The following SERAC1 variants were observed in gnomAD, a reference collection of about 807,000 sequenced individuals.
SERAC1 encodes the protein serine active site containing 1, also known as protein SERAC1.
SERAC1 carries 36 observed loss-of-function variants against 85.7 expected under a neutral mutation model. That is an observed-to-expected ratio of 0.42 (90% confidence interval 0.32 to 0.55). SERAC1 has a LOEUF of 0.55. Ranked by LOEUF, SERAC1 falls within the 20% of genes least tolerant of loss-of-function variation. The pLI, the probability that SERAC1 is intolerant of heterozygous loss-of-function variation, is 0.11. For synonymous variants in SERAC1, 242 were observed against 265.3 expected, an observed-to-expected ratio of 0.91 and a Z score of 0.85; for missense variants, 629 against 796.2, an observed-to-expected ratio of 0.79 and a Z score of 2.53.
intron 8 of SERAC1, among the ~76,000 whole-genome samples, chr6:158,131,211 T>G (rs1308400043): frequency 6.6e-6 from 1 of 150,556 alleles, no homozygotes; most frequent in East Asian, 1.9e-4. Context: ...ACCAACACTA[T>G]TATAGAAATA....
intron 8 of SERAC1, among the ~76,000 whole-genome samples, chr6:158,133,317 A>G (rs1311576045): frequency 4.0e-5 from 6 of 151,656 alleles, no homozygotes; most frequent in Admixed American, 3.9e-4. Flanking sequence ...AAAAAAAAAA[A>G]AGGAATAGGT....
At chr6:158,132,781 C>G (rs1382410694) in intron 8 of SERAC1, among the ~76,000 whole-genome samples, 2 of 152,058 alleles carry the variant, frequency 1.3e-5, no homozygotes, top group African/African-American at 4.8e-5. Flanking sequence ...TACAAAGGAA[C>G]AAACTCACAG....
chr6:158,128,318 T>C, intron 9 of SERAC1, 48 bp from the exon 10 acceptor site: 1 of 1,585,768 alleles, frequency 6.3e-7, no homozygotes, highest in Non-Finnish European at 8.6e-7. Flanking sequence ...TACAAATTCA[T>C]GACGTGAGAT....
intron 14 of SERAC1, 23 bp from the exon 15 acceptor site, chr6:158,114,994 A>T: frequency 1.9e-6 from 3 of 1,594,256 alleles, no homozygotes; most frequent in Non-Finnish European, 2.6e-6. Flanking sequence ...AAGGGAAAAA[A>T]ACAATGCATA....
chr6:158,118,198 A>G (rs758919399), intron 12 of SERAC1, among the ~76,000 whole-genome samples: 1 of 152,202 alleles, frequency 6.6e-6, no homozygotes, highest in Non-Finnish European at 1.5e-5. Flanking sequence ...ATTCAGAGAC[A>G]CTAATAATAA....
chr6:158,164,982 A>G (rs1785564234), intron 1 of SERAC1, among the ~76,000 whole-genome samples: 3 of 152,308 alleles, frequency 2.0e-5, no homozygotes, highest in Admixed American at 2.0e-4. Context: ...AACACCAAGC[A>G]TCTTATTAAG....
intron 8 of SERAC1, among the ~76,000 whole-genome samples, chr6:158,137,217 AC>A (rs1784814969): frequency 6.6e-6 from 1 of 151,786 alleles, no homozygotes; most frequent in African/African-American, 2.4e-5. Context: ...CATTAGAATT[AC>A]AATTAAATAT....
At chr6:158,142,101 C>T (rs1463943484) in intron 8 of SERAC1, among the ~76,000 whole-genome samples, 1 of 151,866 alleles carries the variant, frequency 6.6e-6, no homozygotes, top group Admixed American at 6.6e-5. Flanking sequence ...AAGAAAAACT[C>T]GCTGACATAA....
intron 14 of SERAC1, 72 bp from the exon 15 acceptor site, chr6:158,115,043 A>G: frequency 6.9e-7 from 1 of 1,456,574 alleles, no homozygotes; most frequent in South Asian, 1.4e-5. Context: ...AAAAAAGAAA[A>G]GGCCAAACAA....
chr6:158,115,106 C>T, intron 14 of SERAC1, 135 bp from the exon 15 acceptor site: 2 of 892,456 alleles, frequency 2.2e-6, no homozygotes, highest in Non-Finnish European at 3.4e-6. Context: ...TTAAACAATT[C>T]TCTGTACAGT....
chr6:158,158,991 A>G (rs1222253685), intron 1 of SERAC1: 3 of 152,038 alleles, frequency 2.0e-5, no homozygotes, highest in African/African-American at 7.3e-5. Context: ...CCAGAACACA[A>G]CTCAGTATTC....
In SERAC1 at chr6:158,119,218, G is replaced by A. The variant is rs1383235563; in HGVS notation, c.1167-48C>T. On this transcript the variant is annotated intron_variant, in intron 11 of 16. Coordinates refer to ENST00000647468, the MANE Select transcript of SERAC1 (RefSeq NM_032861.4). This position sits in a 1 kb window ranked among gnomAD's most constrained non-coding sequence, Gnocchi z 4.5. ...AAAGAAGCAGAATAAATGCATTACTGCTTTGGTAAGAATCTACACAGCATT... is the reference window on the plus strand; with the variant it reads ...AAAGAAGCAGAATAAATGCATTACTACTTTGGTAAGAATCTACACAGCATT... 1 of 1,557,422 alleles carries A rather than the reference G, an allele frequency of 6.4e-7. No homozygotes were observed. The highest frequency in any genetic ancestry group is 8.7e-7 in the Non-Finnish European group (1 of 1,147,708).
At chr6:158,164,777 G>C (rs980097246) in intron 1 of SERAC1, among the ~76,000 whole-genome samples, 5 of 152,050 alleles carry the variant, frequency 3.3e-5, no homozygotes, top group African/African-American at 1.2e-4. Flanking sequence ...CAACAAAAAA[G>C]ACTACATCAC....
rs1220930025 is a variant in SERAC1 at position 158,120,432 on chromosome 6, G to A, written c.1159C>T (p.Arg387Ter). 7.5e-6 allele frequency: 12 copies of A among 1,610,576 alleles called. No homozygotes were observed. The highest frequency in any genetic ancestry group is 1.6e-4 in the Middle Eastern group (1 of 6,076). ...TCTCTTCTGCTTCCTTACCTTGTTC[G>A]ATATTGGGGATGCAGCACATATACG... ...DGVYVLHPQY[R>*]TSQPIKADVL... Residue 387 changes from arginine to a stop codon, truncating the protein, a stop_gained, in exon 11 of 17, where the codon CGA (arginine) becomes TGA (stop). Coordinates refer to ENST00000647468, the MANE Select transcript of SERAC1 (RefSeq NM_032861.4). LOFTEE classifies it high-confidence loss of function. This position sits in a 1 kb window ranked among gnomAD's most constrained non-coding sequence, Gnocchi z 4.4.
Position 158,120,384 on chromosome 6 carries a change from A to G in SERAC1, c.1166+41T>C, listed in dbSNP as rs1314108321. On this transcript the variant is annotated intron_variant, in intron 11 of 16. Transcript: ENST00000647468. This position sits in a 1 kb window ranked among gnomAD's most constrained non-coding sequence, Gnocchi z 4.4. ...AAAATTTGAGGCCTCTAGGCTTCAC[A>G]TTTCCAAAGGGGACAAAGCAACTCT... 6.4e-7 allele frequency: 1 copy of G among 1,573,210 alleles called. No homozygotes were observed. The highest frequency in any genetic ancestry group is 1.4e-5 in the African/African-American group (1 of 73,592).
chr6:158,120,519 G>T lies in SERAC1; in HGVS notation c.1072C>A (p.His358Asn). The T allele has an allele frequency of 1.9e-6, 3 of 1,614,072 alleles. No homozygotes were observed. Among genetic ancestry groups the T allele is most frequent in the Non-Finnish European group, 2.5e-6 (3 of 1,179,990 alleles). Residue 358 changes from histidine (H) to asparagine (N), a missense_variant, in exon 11 of 17, where the codon CAC becomes AAC. His to Asn is a moderately conservative substitution (Grantham distance 68). Coordinates refer to ENST00000647468, the MANE Select transcript of SERAC1 (RefSeq NM_032861.4). This position sits in a 1 kb window ranked among gnomAD's most constrained non-coding sequence, Gnocchi z 4.4. ...AGATTTGCCAGGATTCTGGCAGCGT[G>T]TGAGGACTCCATAATGTGGGGAGAT... is the stretch of plus-strand genomic sequence containing the variant. ...MKSPHIMESSHAARILANLDR... is the reference protein window; with the variant it reads ...MKSPHIMESSNAARILANLDR...
At chr6:158,164,110 G>A (rs1331014716) in intron 1 of SERAC1, among the ~76,000 whole-genome samples, 5 of 152,070 alleles carry the variant, frequency 3.3e-5, no homozygotes, top group South Asian at 2.1e-4. Context: ...TTTTCAAGAC[G>A]GACTATTCTA....
chr6:158,114,531 T>C (rs1784229102), intron 15 of SERAC1: 2 of 1,205,666 alleles, frequency 1.7e-6, no homozygotes, highest in Non-Finnish European at 2.1e-6. Context: ...CAAAACATTA[T>C]CTGATTATTT....
In SERAC1 at chr6:158,146,782, C is replaced by G; in HGVS notation, c.487G>C (p.Asp163His). 2.5e-6 allele frequency: 4 copies of G among 1,613,380 alleles called. No homozygotes were observed. Among genetic ancestry groups the G allele is most frequent in the Non-Finnish European group, 3.4e-6 (4 of 1,179,574 alleles). Reference protein sequence around the residue: ...REMSETHHWHDYQYRIIAQAC... With the variant: ...REMSETHHWHHYQYRIIAQAC... ...CCACCTGTTCAGGTAGTCTCATTAC[C>G]ATGCCAGTGATGGGTCTCCGACATT... The change falls in exon 6 of 17, where the codon GAT (aspartate) becomes CAT (histidine). Residue 163 changes from aspartate to histidine, a missense_variant and splice_region_variant. By Grantham distance (81) the Asp-to-His change is moderately conservative. Coordinates refer to ENST00000647468, the MANE Select transcript of SERAC1 (RefSeq NM_032861.4).
Sources: allele counts gnomAD v4.1 joint callset (sites outside exome capture counted in the v4.1 genomes callset), GRCh38; gene constraint gnomAD v4.1.1; non-coding constraint Gnocchi (gnomAD v3.1); transcripts MANE v1.5; gene names NCBI Gene and HGNC (gene_info 2026-07-23, HGNC 2026-07-21).